CCND3: variants seen among roughly 807,000 people sequenced by gnomAD.
CCND3 encodes the protein G1/S-specific cyclin-D3.
In CCND3, 9 loss-of-function variants were observed where a neutral mutation model predicts 28.7. The ratio of observed to expected loss-of-function variants is 0.31; its 90% CI spans 0.19 to 0.55. CCND3 has a LOEUF of 0.55. Ranked by LOEUF, CCND3 falls within the 20% of genes least tolerant of loss-of-function variation. The probability of loss-of-function intolerance (pLI) is 0.93; values close to 1 mark genes in which losing one functional copy is unlikely to be tolerated. For synonymous variants in CCND3, 164 were observed against 163.9 expected (o/e 1.00, Z 0.00); for missense variants, 315 against 385.8 (o/e 0.82, Z 1.54).
At position 41,935,794 on chromosome 6, in the gene CCND3, A is replaced by C; in HGVS notation, c.*146T>G. ...GGGCCCCTTAGTGCACACTGCGGGG[A>C]TGGGTAGGACCAGATCCCTTGGGCT... On this transcript the variant is annotated 3_prime_UTR_variant, in exon 5 of 5. Transcript: ENST00000372991. 1 of 765,132 alleles carries C rather than the reference A, an allele frequency of 1.3e-6. No individual in the cohort carries two copies. Among genetic ancestry groups the C allele is most frequent in the Non-Finnish European group, 2.2e-6 (1 of 463,034 alleles). 47.4% of individuals were successfully genotyped at this position (765,132 alleles called of 1,614,324 possible). A position where few individuals can be genotyped will look rare whatever the true frequency, so the allele number is the denominator to read the frequency against.
chr6:42,039,958 C>A (rs1764321491), intron 1 of CCND3, among the ~76,000 whole-genome samples: 1 of 152,248 alleles, frequency 6.6e-6, no homozygotes. Context: ...TCCGTGCATC[C>A]CTGCATGTCA....
chr6:41,988,946 G>A (rs967342435), intron 1 of CCND3, among the ~76,000 whole-genome samples: 1 of 151,576 alleles, frequency 6.6e-6, no homozygotes, highest in African/African-American at 2.4e-5. Context: ...TGATCCGCCC[G>A]CCTCGGCCTC....
chr6:41,976,296 G>A (rs566719548), intron 1 of CCND3, among the ~76,000 whole-genome samples: 146 of 151,874 alleles, frequency 9.6e-4, no homozygotes, highest in African/African-American at 3.4e-3. Flanking sequence ...AGGTTGCAGC[G>A]AGCTGAGATC....
chr6:41,941,622 G>C lies in CCND3; in HGVS notation c.28C>G (p.Arg10Gly). MELLCCEGT[R>G]HAPRAGPDPR... ...TCCGGCCCGGCCCGGGGCGCGTGCC[G>C]GGTGCCTTCGCAACACAGCAGCTCC... Residue 10 changes from arginine to glycine, a missense_variant, in exon 1 of 5, where the codon CGG (arginine) becomes GGG (glycine). Physicochemically the swap from Arg to Gly is moderately radical, Grantham distance 125. Coordinates refer to ENST00000372991, the MANE Select transcript of CCND3 (RefSeq NM_001760.5). This position sits in a 1 kb window ranked among gnomAD's most constrained non-coding sequence, Gnocchi z 6.1. 6.6e-7 allele frequency: 1 copy of C among 1,514,912 alleles called. No homozygotes were observed. Among genetic ancestry groups the C allele is most frequent in the Non-Finnish European group, 8.9e-7 (1 of 1,129,718 alleles). 93.8% of individuals were successfully genotyped at this position (1,514,912 alleles called of 1,614,324 possible).
intron 1 of CCND3, among the ~76,000 whole-genome samples, chr6:42,039,151 G>A (rs1203980076): frequency 6.6e-6 from 1 of 152,178 alleles, no homozygotes; most frequent in East Asian, 1.9e-4. Flanking sequence ...CCATGCTGAG[G>A]AATCTTAGAA....
intron 1 of CCND3, among the ~76,000 whole-genome samples, chr6:41,948,770 C>T (rs1357494862): frequency 1.3e-5 from 2 of 150,154 alleles, no homozygotes; most frequent in Non-Finnish European, 3.0e-5. Flanking sequence ...AACCGGGACC[C>T]GGGAAGCGGA....
At chr6:41,943,250 A>G (rs1001383055), upstream of CCND3, among the ~76,000 whole-genome samples, 3 of 152,268 alleles carry the variant, frequency 2.0e-5, no homozygotes, top group Non-Finnish European at 4.4e-5. Flanking sequence ...AAAAATACAA[A>G]TAAGCCACAA....
At chr6:42,041,797 C>G (rs922647286) in intron 1 of CCND3, among the ~76,000 whole-genome samples, 1 of 152,166 alleles carries the variant, frequency 6.6e-6, no homozygotes, top group African/African-American at 2.4e-5. Flanking sequence ...AGACGTCTTC[C>G]CAGGGACAGG....
intron 1 of CCND3, among the ~76,000 whole-genome samples, chr6:42,045,066 A>G (rs904026973): frequency 6.6e-6 from 1 of 151,662 alleles, no homozygotes; most frequent in Admixed American, 6.6e-5. Flanking sequence ...GGCCTCCCAA[A>G]GTGCTGGGAT....
intron 1 of CCND3, among the ~76,000 whole-genome samples, chr6:41,972,078 AT>A (rs1762045194): frequency 6.6e-6 from 1 of 150,682 alleles, no homozygotes; most frequent in Non-Finnish European, 1.5e-5. Context: ...ATACAAAAAA[AT>A]TAGCTGGGCG....
Position 41,941,025 on chromosome 6 carries a change from G to C in CCND3, c.198+427C>G. On this transcript the variant is annotated intron_variant, in intron 1 of 4. Coordinates refer to ENST00000372991, the MANE Select transcript of CCND3 (RefSeq NM_001760.5). The surrounding 1 kb of genome is among the most constrained non-coding windows in gnomAD (Gnocchi z 6.1). Reference sequence around the variant, plus strand: ...TTCCCTGTCGGCCGGAACAGGGCGCGCGCCACCCCCATCGCCTTCCCCGCC... The same window carrying C: ...TTCCCTGTCGGCCGGAACAGGGCGCCCGCCACCCCCATCGCCTTCCCCGCC... 6.2e-7 allele frequency: 1 copy of C among 1,608,796 alleles called. No homozygotes were observed. The highest frequency in any genetic ancestry group is 8.5e-7 in the Non-Finnish European group (1 of 1,177,360).
chr6:41,963,555 C>G (rs1761776627), intron 1 of CCND3, among the ~76,000 whole-genome samples: 2 of 152,214 alleles, frequency 1.3e-5, no homozygotes, highest in South Asian at 4.1e-4. Context: ...ACAAGTGAAG[C>G]TGGATACCAA....
chr6:41,980,433 G>A (rs576855237), intron 1 of CCND3, among the ~76,000 whole-genome samples: 1 of 152,232 alleles, frequency 6.6e-6, no homozygotes, highest in East Asian at 1.9e-4. Flanking sequence ...ACTGCACCTG[G>A]CCTTACTGGA....
intron 1 of CCND3, among the ~76,000 whole-genome samples, chr6:42,042,305 T>A (rs899985048): frequency 6.6e-6 from 1 of 151,606 alleles, no homozygotes; most frequent in Non-Finnish European, 1.5e-5. Flanking sequence ...TGCCCACCAC[T>A]CAGCAGGGCT....
At chr6:41,955,091 A>T (rs1165271155) in intron 1 of CCND3, among the ~76,000 whole-genome samples, 1 of 152,092 alleles carries the variant, frequency 6.6e-6, no homozygotes, top group Non-Finnish European at 1.5e-5. Flanking sequence ...CTCTACTAAC[A>T]CCCACCTGAT....
chr6:42,025,594 T>A (rs568531007), intron 1 of CCND3, among the ~76,000 whole-genome samples: 10 of 152,302 alleles, frequency 6.6e-5, no homozygotes, highest in African/African-American at 2.2e-4. Flanking sequence ...GCACCTCCAA[T>A]GCTCCACTGC....
intron 1 of CCND3, among the ~76,000 whole-genome samples, chr6:41,986,676 T>C (rs747718185): frequency 1.5e-4 from 23 of 152,052 alleles, no homozygotes; most frequent in Non-Finnish European, 2.4e-4. Flanking sequence ...TGGTGGAGTC[T>C]TTGGGGTTTC....
intron 1 of CCND3, among the ~76,000 whole-genome samples, chr6:42,035,664 G>A (rs1243935813): frequency 2.1e-5 from 3 of 143,390 alleles, no homozygotes; most frequent in Non-Finnish European, 4.5e-5. Context: ...ACCGTGCCCA[G>A]CTAGTTTCTT....
chr6:42,018,278 C>T (rs942740227), intron 1 of CCND3: 7 of 151,742 alleles, frequency 4.6e-5, no homozygotes, highest in African/African-American at 1.2e-4. Context: ...CTGCAAGCTC[C>T]GCCTCCCGGG....
Sources: allele counts gnomAD v4.1 joint callset (sites outside exome capture counted in the v4.1 genomes callset), GRCh38; gene constraint gnomAD v4.1.1; non-coding constraint Gnocchi (gnomAD v3.1); transcripts MANE v1.5; gene names NCBI Gene and HGNC (gene_info 2026-07-23, HGNC 2026-07-21).